The following PTPN11 variants were observed in gnomAD, a reference collection of about 807,000 sequenced individuals.
PTPN11 encodes protein tyrosine phosphatase non-receptor type 11.
In PTPN11, 6 loss-of-function variants were observed where a neutral mutation model predicts 78.8. The ratio of observed to expected loss-of-function variants is 0.08; its 90% CI spans 0.04 to 0.15. The LOEUF (loss-of-function observed/expected upper bound fraction) is 0.15, where lower values mean the gene tolerates loss of function less well. Ranked by LOEUF, PTPN11 falls within the 10% of genes least tolerant of loss-of-function variation. The pLI, the probability that PTPN11 is intolerant of heterozygous loss-of-function variation, is 1.00. For synonymous variants in PTPN11, 221 were observed against 263.5 expected, an observed-to-expected ratio of 0.84 and a Z score of 1.56; for missense variants, 386 against 744.8, an observed-to-expected ratio of 0.52 and a Z score of 5.61.
At chr12:112,497,990 C>G (rs772989442) in intron 13 of PTPN11, among the ~76,000 whole-genome samples, 2 of 151,708 alleles carry the variant, frequency 1.3e-5, no homozygotes, top group African/African-American at 2.4e-5. Flanking sequence ...CTGTCTCTAT[C>G]AAAAATACAA....
chr12:112,473,502 C>T (rs1399062773), intron 7 of PTPN11, among the ~76,000 whole-genome samples: 1 of 152,038 alleles, frequency 6.6e-6, no homozygotes, highest in Non-Finnish European at 1.5e-5. Flanking sequence ...GCTTGCTGAT[C>T]CCCTGAGCTC....
chr12:112,495,631 A>G (rs892993603), intron 13 of PTPN11, among the ~76,000 whole-genome samples: 16 of 152,228 alleles, frequency 1.1e-4, no homozygotes, highest in Admixed American at 2.6e-4. Context: ...TGATGGGGTT[A>G]CAGCCTGATA....
intron 1 of PTPN11, among the ~76,000 whole-genome samples, chr12:112,430,030 T>C (rs2037687537): frequency 6.6e-6 from 1 of 152,100 alleles, no homozygotes; most frequent in Admixed American, 6.6e-5. Flanking sequence ...TTTTTCTTTT[T>C]TCTTTTTTGA....
At chr12:112,446,048 C>G (rs1400350158) in intron 1 of PTPN11, among the ~76,000 whole-genome samples, 6 of 152,138 alleles carry the variant, frequency 3.9e-5, no homozygotes, top group Non-Finnish European at 2.9e-5. Context: ...CCCCCAGTCC[C>G]TCTGATCATA....
rs1237281304 is a variant in PTPN11 at position 112,508,515 on chromosome 12, G to C, written c.*2723G>C. The C allele has an allele frequency of 6.6e-6, 1 of 152,368 alleles. No individual in the cohort carries two copies. The highest frequency in any genetic ancestry group is 1.9e-4 in the East Asian group (1 of 5,194). 9.4% of individuals were successfully genotyped at this position (152,368 alleles called of 1,614,324 possible). A position where few individuals can be genotyped will look rare whatever the true frequency, so the allele number is the denominator to read the frequency against. ...CAGTAATGGGTGAATGAGGTTGTTT[G>C]GAAAGTCGGTGTGACAGACACATGG... On this transcript the variant is annotated 3_prime_UTR_variant, in exon 16 of 16. Transcript: ENST00000351677.
In PTPN11 at chr12:112,482,199, T is replaced by C. The variant is rs1402095646; in HGVS notation, c.1218T>C (p.Val406=). 30 of 1,613,370 alleles carry C rather than the reference T, an allele frequency of 1.9e-5. No homozygotes were observed. Among genetic ancestry groups the C allele is most frequent in the Non-Finnish European group, 2.5e-5 (29 of 1,179,516 alleles). ...TAAGAGAACTTAAACTTTCAAAGGT[T>C]GGACAAGTAAGTATATTGTCGTATT... ...YTLRELKLSK[V]GQGNTERTVW... The change falls in exon 10 of 16, where the codon GTT becomes GTC. Residue 406 remains valine, a synonymous_variant. Coordinates refer to ENST00000351677, the MANE Select transcript of PTPN11 (RefSeq NM_002834.5). The surrounding 1 kb of genome is among the most constrained non-coding windows in gnomAD (Gnocchi z 4.4).
At chr12:112,486,219 G>A (rs891650778) in intron 10 of PTPN11, among the ~76,000 whole-genome samples, 2 of 152,100 alleles carry the variant, frequency 1.3e-5, no homozygotes, top group African/African-American at 4.8e-5. Flanking sequence ...AATTCAGAGA[G>A]ATGATTCAGG....
intron 4 of PTPN11, 31 bp downstream of exon 4, chr12:112,453,418 A>G (rs756841812): frequency 1.3e-6 from 2 of 1,598,922 alleles, no homozygotes; most frequent in South Asian, 1.1e-5. Context: ...TGGGTCTGGC[A>G]AGATGTTACC....
At chr12:112,481,862 G>A (rs572405878) in intron 9 of PTPN11, among the ~76,000 whole-genome samples, 1 of 152,052 alleles carries the variant, frequency 6.6e-6, no homozygotes, top group African/African-American at 2.4e-5. Flanking sequence ...TGCACCAGCT[G>A]CCTTTCTCCT....
chr12:112,447,295 C>T (rs1006228820), intron 2 of PTPN11, among the ~76,000 whole-genome samples: 1 of 152,086 alleles, frequency 6.6e-6, no homozygotes, highest in Non-Finnish European at 1.5e-5. Flanking sequence ...GCCCGTTTCC[C>T]TCCCTCTTTC....
chr12:112,438,287 G>A (rs893899238), intron 1 of PTPN11, among the ~76,000 whole-genome samples: 20 of 152,012 alleles, frequency 1.3e-4, no homozygotes, highest in African/African-American at 4.8e-4. Context: ...TAAGTTGAGG[G>A]TGTGGTTTTC....
chr12:112,473,308 C>G (rs2038447866), intron 7 of PTPN11, among the ~76,000 whole-genome samples: 1 of 152,060 alleles, frequency 6.6e-6, no homozygotes, highest in Non-Finnish European at 1.5e-5. Flanking sequence ...TTCTGTCTGC[C>G]CAAGATAGAT....
rs2037467591 is a variant in PTPN11, at chr12:112,418,965, G to A, written c.-147G>A. 1.0e-6 allele frequency: 1 copy of A among 953,196 alleles called. No individual in the cohort carries two copies. Among genetic ancestry groups the A allele is most frequent in the Non-Finnish European group, 1.6e-6 (1 of 630,276 alleles). 59.0% of individuals were successfully genotyped at this position (953,196 alleles called of 1,614,324 possible). On this transcript the variant is annotated 5_prime_UTR_variant, in exon 1 of 16. Coordinates refer to ENST00000351677, the MANE Select transcript of PTPN11 (RefSeq NM_002834.5). ...GCTGCACAGTCTCCGGGATCCCCAG[G>A]CCTGGAGGGGGGTCTGTGCGCGGCC... is the stretch of plus-strand genomic sequence containing the variant.
intron 1 of PTPN11, among the ~76,000 whole-genome samples, chr12:112,433,784 C>T (rs985582749): frequency 1.3e-5 from 2 of 152,134 alleles, no homozygotes; most frequent in African/African-American, 4.8e-5. Context: ...GACCCTATCT[C>T]TACAAAGGAA....
At chr12:112,441,979 G>C (rs1321071480) in intron 1 of PTPN11, among the ~76,000 whole-genome samples, 2 of 151,528 alleles carry the variant, frequency 1.3e-5, no homozygotes, top group Middle Eastern at 3.4e-3. Flanking sequence ...GGGTTTCACT[G>C]TGTTAGCCAG....
At chr12:112,429,599 C>T (rs1157799788) in intron 1 of PTPN11, among the ~76,000 whole-genome samples, 8 of 148,224 alleles carry the variant, frequency 5.4e-5, no homozygotes, top group Non-Finnish European at 1.2e-4. Context: ...GTCAGAAGTT[C>T]GAGACCAGCC....
chr12:112,506,980 T>C lies in PTPN11; in HGVS notation c.*1188T>C, dbSNP rs949215959. The C allele has an allele frequency of 2.3e-5, 6 of 259,618 alleles. No individual in the cohort carries two copies. The highest frequency in any genetic ancestry group is 1.1e-4 in the African/African-American group (5 of 44,852). 16.1% of individuals were successfully genotyped at this position (259,618 alleles called of 1,614,324 possible). On this transcript the variant is annotated 3_prime_UTR_variant, in exon 16 of 16. Transcript: ENST00000351677. Reference sequence around the variant, plus strand: ...ATGATGATGATGATGATGATGATGATGATGATGATGATGGTTTTTTCTAAT... The same window carrying C: ...ATGATGATGATGATGATGATGATGACGATGATGATGATGGTTTTTTCTAAT...
chr12:112,486,816 C>T, intron 11 of PTPN11, 187 bp downstream of exon 11: 1 of 1,455,962 alleles, frequency 6.9e-7, no homozygotes, highest in South Asian at 1.4e-5. Context: ...CCCTACAGCA[C>T]TGCCATTGGC....
intron 11 of PTPN11, among the ~76,000 whole-genome samples, chr12:112,487,283 T>C (rs1566186027): frequency 2.0e-5 from 3 of 151,978 alleles, no homozygotes; most frequent in Admixed American, 1.3e-4. Flanking sequence ...TACAGGCATC[T>C]GACACTACGC....
Sources: allele counts gnomAD v4.1 joint callset (sites outside exome capture counted in the v4.1 genomes callset), GRCh38; gene constraint gnomAD v4.1.1; non-coding constraint Gnocchi (gnomAD v3.1); transcripts MANE v1.5; gene names NCBI Gene and HGNC (gene_info 2026-07-23, HGNC 2026-07-21).